NAALADL2: variants seen among roughly 807,000 people sequenced by gnomAD.
NAALADL2 encodes N-acetylated alpha-linked acidic dipeptidase like 2, also known as inactive N-acetylated-alpha-linked acidic dipeptidase-like protein 2.
In NAALADL2, 76 loss-of-function variants were observed where a neutral mutation model predicts 87.2. The observed-to-expected ratio is 0.87, with a 90% CI of 0.72 to 1.05. NAALADL2 has a LOEUF of 1.05. NAALADL2 is among the 50% of genes least tolerant of loss of function. The probability of loss-of-function intolerance (pLI) is 0.00; values close to 1 mark genes in which losing one functional copy is unlikely to be tolerated. For synonymous variants in NAALADL2, 354 were observed against 331.0 expected (o/e 1.07, Z -0.75); for missense variants, 1,089 against 945.8 (o/e 1.15, Z -1.99).
chr3:174,870,352 T>C (rs566813568), intron 1 of NAALADL2, among the ~76,000 whole-genome samples: 2 of 152,258 alleles, frequency 1.3e-5, no homozygotes, highest in East Asian at 3.9e-4. Context: ...GATAATGGTA[T>C]ATTCTGTGTA....
chr3:175,080,067 G>T (rs1309149836), intron 1 of NAALADL2, among the ~76,000 whole-genome samples: 1 of 151,802 alleles, frequency 6.6e-6, no homozygotes, highest in African/African-American at 2.4e-5. Context: ...CCGGGTTCAC[G>T]CCATTCTCCT....
At chr3:175,118,996 A>G (rs1470424821) in intron 2 of NAALADL2, among the ~76,000 whole-genome samples, 2 of 151,768 alleles carry the variant, frequency 1.3e-5, no homozygotes. Context: ...GATTTTCACA[A>G]TTAAAATATA....
intron 11 of NAALADL2, among the ~76,000 whole-genome samples, chr3:175,716,067 CATAT>C (rs1741197688): frequency 6.7e-6 from 1 of 148,660 alleles, no homozygotes; most frequent in Admixed American, 6.8e-5. Flanking sequence ...ACTCAAATAA[CATAT>C]ATAATATGTT....
At chr3:175,364,911 T>C (rs534909792) in intron 5 of NAALADL2, among the ~76,000 whole-genome samples, 29 of 147,850 alleles carry the variant, frequency 2.0e-4, no homozygotes, top group African/African-American at 6.6e-4. Context: ...TTGACAAATA[T>C]GTTTTACTTA....
intron 1 of NAALADL2, among the ~76,000 whole-genome samples, chr3:175,048,428 C>T (rs570757427): frequency 4.6e-5 from 7 of 151,614 alleles, no homozygotes; most frequent in Non-Finnish European, 8.8e-5. Flanking sequence ...ATAATGTTTT[C>T]GGTGTGCTTG....
intron 10 of NAALADL2, among the ~76,000 whole-genome samples, chr3:175,616,477 T>C (rs1322183043): frequency 1.3e-5 from 2 of 152,168 alleles, no homozygotes; most frequent in African/African-American, 4.8e-5. Context: ...TTTTTTGCTC[T>C]TTCTAGAGTG....
chr3:175,043,861 T>C (rs540264436), intron 1 of NAALADL2, among the ~76,000 whole-genome samples: 56 of 152,270 alleles, frequency 3.7e-4, no homozygotes, highest in African/African-American at 1.3e-3. Context: ...AGCTATTGAG[T>C]TTTTAGTAAT....
intron 3 of NAALADL2, among the ~76,000 whole-genome samples, chr3:174,740,941 T>G (rs2109009210): frequency 6.6e-6 from 1 of 151,890 alleles, no homozygotes; most frequent in African/African-American, 2.4e-5. Context: ...ATAAATTTGA[T>G]TTATCTCAGA....
intron 1 of NAALADL2, among the ~76,000 whole-genome samples, chr3:174,541,485 G>C (rs947854977): frequency 6.6e-6 from 1 of 152,148 alleles, no homozygotes; most frequent in Non-Finnish European, 1.5e-5. Context: ...GAATTTGATA[G>C]CTTTATAAGT....
intron 5 of NAALADL2, among the ~76,000 whole-genome samples, chr3:175,411,196 A>G (rs1041854210): frequency 6.6e-6 from 1 of 152,212 alleles, no homozygotes; most frequent in South Asian, 2.1e-4. Flanking sequence ...ATTAAACTGT[A>G]CAGAGGAGGT....
chr3:174,932,876 G>T (rs1737129173), intron 1 of NAALADL2, among the ~76,000 whole-genome samples: 1 of 152,198 alleles, frequency 6.6e-6, no homozygotes, highest in South Asian at 2.1e-4. Context: ...CCACCACTTT[G>T]GGAGGCTGAG....
intron 11 of NAALADL2, among the ~76,000 whole-genome samples, chr3:175,640,388 A>G (rs11926830): frequency 0.27 from 41,696 of 152,084 alleles, 6,771 homozygotes; most frequent in African/African-American, 0.46. Flanking sequence ...CCCTCATGTT[A>G]CAAATTCAAA....
chr3:174,473,948 A>G (rs1717060168), intron 1 of NAALADL2, among the ~76,000 whole-genome samples: 1 of 152,054 alleles, frequency 6.6e-6, no homozygotes, highest in Non-Finnish European at 1.5e-5. Context: ...GGTGAAAGGC[A>G]CCTCGTCACA....
In NAALADL2 at chr3:175,807,598, C is replaced by T. The variant is rs369836578; in HGVS notation, c.*4395C>T. The T allele has an allele frequency of 4.5e-4, 69 of 151,946 alleles. 2 individuals carry two copies. The highest frequency in any genetic ancestry group is 1.6e-3 in the African/African-American group (66 of 41,502). The allele number at this position is 151,946 out of a possible 1,614,324, so 9.4% of individuals were successfully genotyped here. A position where few individuals can be genotyped will look rare whatever the true frequency, so the allele number is the denominator to read the frequency against. On this transcript the variant is annotated 3_prime_UTR_variant, in exon 14 of 14. Transcript: ENST00000454872. ...AAAGGAATTATTTTAAACTACCAAT[C>T]CATATGTTGAGTGGAAAGGAAGTTG...
At chr3:175,224,417 G>T (rs1743859430) in intron 2 of NAALADL2, among the ~76,000 whole-genome samples, 1 of 152,108 alleles carries the variant, frequency 6.6e-6, no homozygotes, top group South Asian at 2.1e-4. Flanking sequence ...CTTACAAAAT[G>T]GTGCAGCTTG....
intron 9 of NAALADL2, among the ~76,000 whole-genome samples, chr3:175,569,268 G>T (rs1717672048): frequency 6.6e-6 from 1 of 152,230 alleles, no homozygotes; most frequent in South Asian, 2.1e-4. Flanking sequence ...ACAAAATTTT[G>T]TCAAATTACC....
At chr3:175,787,408 C>G (rs978596946) in intron 13 of NAALADL2, among the ~76,000 whole-genome samples, 3 of 152,192 alleles carry the variant, frequency 2.0e-5, no homozygotes, top group African/African-American at 7.2e-5. Flanking sequence ...GGGATGTAAT[C>G]TTGTGGTGCG....
At chr3:174,609,634 A>G (rs1719575455) in intron 2 of NAALADL2, among the ~76,000 whole-genome samples, 1 of 152,190 alleles carries the variant, frequency 6.6e-6, no homozygotes, top group African/African-American at 2.4e-5. Context: ...TTCAAGGAGA[A>G]GTACAAACCA....
intron 1 of NAALADL2, among the ~76,000 whole-genome samples, chr3:174,878,682 G>T (rs891580943): frequency 1.3e-5 from 2 of 151,568 alleles, no homozygotes; most frequent in African/African-American, 4.8e-5. Context: ...TTTTCTATTT[G>T]CCCCTGTACA....
Sources: allele counts gnomAD v4.1 joint callset (sites outside exome capture counted in the v4.1 genomes callset), GRCh38; gene constraint gnomAD v4.1.1; transcripts MANE v1.5; gene names NCBI Gene and HGNC (gene_info 2026-07-23, HGNC 2026-07-21).